ASTN2: variants seen among roughly 807,000 people sequenced by gnomAD.
ASTN2 encodes astrotactin 2.
In ASTN2, 54 loss-of-function variants were observed where a neutral mutation model predicts 139.8. The ratio of observed to expected loss-of-function variants is 0.39; its 90% CI spans 0.31 to 0.48. ASTN2 has a LOEUF of 0.48. Ranked by LOEUF, ASTN2 falls within the 20% of genes least tolerant of loss-of-function variation. The pLI is 0.95. For synonymous variants in ASTN2, 756 were observed against 719.5 expected (o/e 1.05, Z -0.81); for missense variants, 1,565 against 1,725.1 (o/e 0.91, Z 1.64).
At chr9:116,906,016 G>T (rs1275942378) in intron 10 of ASTN2, among the ~76,000 whole-genome samples, 1 of 152,028 alleles carries the variant, frequency 6.6e-6, no homozygotes, top group Non-Finnish European at 1.5e-5. Flanking sequence ...TGGAGAAGCA[G>T]CAGGTTCCTG....
chr9:117,318,295 G>A (rs1402577222), intron 1 of ASTN2, among the ~76,000 whole-genome samples: 1 of 152,158 alleles, frequency 6.6e-6, no homozygotes, highest in Non-Finnish European at 1.5e-5. Flanking sequence ...TAAGTTTTGT[G>A]AGGACAGCAC....
chr9:117,409,491 C>T (rs781653086), intron 1 of ASTN2, among the ~76,000 whole-genome samples: 7 of 152,136 alleles, frequency 4.6e-5, no homozygotes, highest in Non-Finnish European at 8.8e-5. Context: ...ATTGTATTAC[C>T]GTTAGGGGTC....
chr9:116,804,739 T>G (rs1055678797), intron 13 of ASTN2, among the ~76,000 whole-genome samples: 10 of 152,198 alleles, frequency 6.6e-5, no homozygotes, highest in African/African-American at 2.4e-4. Context: ...TTACTAGTTC[T>G]GACTTTTATT....
At chr9:117,126,767 G>A (rs1295666641) in intron 4 of ASTN2, among the ~76,000 whole-genome samples, 2 of 152,190 alleles carry the variant, frequency 1.3e-5, no homozygotes, top group Non-Finnish European at 2.9e-5. Flanking sequence ...ATACTTGAAT[G>A]CTTGAGTGAG....
intron 11 of ASTN2, among the ~76,000 whole-genome samples, chr9:116,838,922 G>T (rs34149073): frequency 1.3e-5 from 2 of 152,006 alleles, no homozygotes; most frequent in Non-Finnish European, 2.9e-5. Flanking sequence ...GGAAAATGGG[G>T]AATTTTCTTG....
At chr9:116,968,770 G>A (rs1836091964) in intron 10 of ASTN2, among the ~76,000 whole-genome samples, 2 of 151,966 alleles carry the variant, frequency 1.3e-5, no homozygotes, top group South Asian at 4.2e-4. Flanking sequence ...GTGGTGTTGT[G>A]TGCCTGTAAT....
chr9:116,485,040 T>A (rs1197601861), intron 20 of ASTN2, among the ~76,000 whole-genome samples: 1 of 152,220 alleles, frequency 6.6e-6, no homozygotes, highest in Non-Finnish European at 1.5e-5. Flanking sequence ...CAGGATTCTG[T>A]CGTTCCCTGT....
intron 20 of ASTN2, among the ~76,000 whole-genome samples, chr9:116,446,327 TTTC>T (rs1847999631): frequency 6.9e-6 from 1 of 145,738 alleles, no homozygotes; most frequent in Non-Finnish European, 1.5e-5. Context: ...GACCTCTGAG[TTTC>T]TTGAGATCAG....
intron 1 of ASTN2, among the ~76,000 whole-genome samples, chr9:117,371,097 A>G (rs564649128): frequency 6.6e-6 from 1 of 152,180 alleles, no homozygotes; most frequent in East Asian, 1.9e-4. Flanking sequence ...TCATATACCC[A>G]AAACAATCCC....
intron 20 of ASTN2, among the ~76,000 whole-genome samples, chr9:116,452,048 T>A (rs1588072148): frequency 6.6e-6 from 1 of 152,296 alleles, no homozygotes; most frequent in East Asian, 1.9e-4. Flanking sequence ...ATAATTGTAC[T>A]AGCTATAGTA....
intron 2 of ASTN2, among the ~76,000 whole-genome samples, chr9:117,223,334 T>C (rs930848257): frequency 1.3e-5 from 2 of 152,138 alleles, no homozygotes; most frequent in Non-Finnish European, 2.9e-5. Context: ...AGCCAGGGAA[T>C]CTGTAAACAT....
intron 17 of ASTN2, among the ~76,000 whole-genome samples, chr9:116,645,698 A>G (rs1479271154): frequency 6.6e-6 from 1 of 152,218 alleles, no homozygotes; most frequent in Admixed American, 6.5e-5. Context: ...CTGCATTAGA[A>G]TGAGCTATGA....
At chr9:117,186,037 C>T (rs1208226555) in intron 3 of ASTN2, among the ~76,000 whole-genome samples, 2 of 152,162 alleles carry the variant, frequency 1.3e-5, no homozygotes, top group Non-Finnish European at 2.9e-5. Context: ...GTCACACAGA[C>T]CTAGCTTCAA....
In ASTN2 at chr9:116,735,325, A is replaced by G. The variant is rs1828898592; in HGVS notation, c.2397-1802T>C. Among the ~76,000 whole-genome samples the G allele has an allele frequency of 2.0e-5, 3 of 152,188 alleles. No homozygotes were observed. The South Asian group carries it at 6.2e-4, about 31-fold the overall frequency. On this transcript the variant is annotated intron_variant, in intron 13 of 22. Coordinates refer to ENST00000313400, the MANE Select transcript of ASTN2 (RefSeq NM_001365068.1). ...GTCTACAAATCTGGGAGTGTGGAAC[A>G]GCAATATGAATTTAAAAAGACAGGC...
At chr9:117,308,298 T>C (rs1456123505) in intron 1 of ASTN2, among the ~76,000 whole-genome samples, 2 of 152,266 alleles carry the variant, frequency 1.3e-5, no homozygotes, top group East Asian at 3.9e-4. Context: ...TCACTTTCCA[T>C]ACAGCCAGAC....
At chr9:116,609,712 C>A (rs1281772397) in intron 19 of ASTN2, among the ~76,000 whole-genome samples, 1 of 151,642 alleles carries the variant, frequency 6.6e-6, no homozygotes, top group Non-Finnish European at 1.5e-5. Context: ...ATCATTTATG[C>A]TATTACTTAA....
At chr9:117,136,494 T>A (rs546995816) in intron 4 of ASTN2, among the ~76,000 whole-genome samples, 1 of 152,334 alleles carries the variant, frequency 6.6e-6, no homozygotes, top group Admixed American at 6.5e-5. Flanking sequence ...CATTTTCATA[T>A]GCCTTTAAGA....
chr9:117,318,630 C>A (rs1828223037), intron 1 of ASTN2, among the ~76,000 whole-genome samples: 1 of 152,138 alleles, frequency 6.6e-6, no homozygotes, highest in African/African-American at 2.4e-5. Context: ...GCTTGACACT[C>A]TCACAGTCAG....
In ASTN2 at chr9:116,829,683, G is replaced by A. The variant is rs188224976; in HGVS notation, c.2041-8900C>T. On this transcript the variant is annotated intron_variant, in intron 11 of 22. Transcript: ENST00000313400. Reference sequence around the variant, plus strand: ...ACTCACTATTGCAAGAACAGCAAGGGGAAAATCTGCCCCCATGATACAATC... The same window carrying A: ...ACTCACTATTGCAAGAACAGCAAGGAGAAAATCTGCCCCCATGATACAATC... Among the ~76,000 whole-genome samples, 54 of 152,202 alleles carry A rather than the reference G, an allele frequency of 3.5e-4. 1 individual carries two copies. In the East Asian group the frequency reaches 9.9e-3, roughly 28 times the overall value.
Sources: gnomAD v4.1 joint callset for allele counts (sites outside exome capture counted in the v4.1 genomes callset) on GRCh38, gnomAD v4.1.1 for gene constraint, MANE v1.5 for transcripts, NCBI Gene and HGNC (gene_info 2026-07-23, HGNC 2026-07-21) for gene names.